Variants in SZRD1 observed in about 807,000 individuals in gnomAD.
The protein encoded by SZRD1 is SUZ RNA-binding domain-containing.
In SZRD1, 7 loss-of-function variants were observed where a neutral mutation model predicts 17.6. The observed-to-expected ratio is 0.40, with a 90% CI of 0.23 to 0.75. SZRD1 has a LOEUF of 0.75. Among genes scored for constraint, SZRD1 ranks in the 30% least tolerant of loss-of-function variants. The probability of loss-of-function intolerance (pLI) is 0.38; values close to 1 mark genes in which losing one functional copy is unlikely to be tolerated. For synonymous variants in SZRD1, 77 were observed against 77.9 expected, an observed-to-expected ratio of 0.99 and a Z score of 0.06; for missense variants, 178 against 201.8, an observed-to-expected ratio of 0.88 and a Z score of 0.71.
At chr1:16,392,727 G>A (rs377764810) in intron 2 of SZRD1, among the ~76,000 whole-genome samples, 4 of 152,124 alleles carry the variant, frequency 2.6e-5, no homozygotes, top group African/African-American at 4.8e-5. Context: ...CAGGGATGGC[G>A]TAGTGGGCTC....
At chr1:16,383,457 C>T (rs2083138892) in intron 1 of SZRD1, among the ~76,000 whole-genome samples, 1 of 151,792 alleles carries the variant, frequency 6.6e-6, no homozygotes, top group South Asian at 2.1e-4. Context: ...TGGTTTCAAG[C>T]AATTCTCCTC....
rs2085305255 is a variant in SZRD1 at position 16,395,985 on chromosome 1, AG to A, written c.*848del. The A allele has an allele frequency of 6.6e-6, 1 of 152,648 alleles. No individual in the cohort carries two copies. The highest frequency in any genetic ancestry group is 6.5e-5 in the Admixed American group (1 of 15,274). The allele number at this position is 152,648 out of a possible 1,614,324, so 9.5% of individuals were successfully genotyped here. A position where few individuals can be genotyped will look rare whatever the true frequency, so the allele number is the denominator to read the frequency against. The stretch of plus-strand genomic sequence containing the variant: ...CCCCACCTCTAGTATTTTGGGAGAT[AG>A]GGAAAGTGAACCGACTTCCCCTTCC... On this transcript the variant is annotated 3_prime_UTR_variant, in exon 4 of 4. Coordinates refer to ENST00000401088, the MANE Select transcript of SZRD1 (RefSeq NM_001114600.3).
intron 1 of SZRD1, among the ~76,000 whole-genome samples, chr1:16,374,651 T>C (rs770739681): frequency 2.0e-5 from 3 of 152,180 alleles, no homozygotes; most frequent in Non-Finnish European, 4.4e-5. Context: ...GCCAGCCCTT[T>C]CCAGTTTCCA....
chr1:16,389,770 A>ATACTTACT (rs2085194424), intron 1 of SZRD1, among the ~76,000 whole-genome samples: 2 of 152,260 alleles, frequency 1.3e-5, no homozygotes, highest in Non-Finnish European at 2.9e-5. Flanking sequence ...CAGAACATAC[A>ATACTTACT]GAGCACTTAC....
Position 16,391,238 on chromosome 1 carries a change from T to C in SZRD1, c.52-137T>C, listed in dbSNP as rs1244615191. 2 of 673,820 alleles carry C rather than the reference T, an allele frequency of 3.0e-6. No homozygotes were observed. Among genetic ancestry groups the C allele is most frequent in the South Asian group, 1.9e-5 (1 of 51,490 alleles). The allele number at this position is 673,820 out of a possible 1,614,324, so 41.7% of individuals were successfully genotyped here. A position where few individuals can be genotyped will look rare whatever the true frequency, so the allele number is the denominator to read the frequency against. ...CAGGTCCCCAAACCCCAAAATCTAGTCCACATTTGTTATGTTGAAGGACAC... is the reference window on the plus strand; with the variant it reads ...CAGGTCCCCAAACCCCAAAATCTAGCCCACATTTGTTATGTTGAAGGACAC... On this transcript the variant is annotated intron_variant, in intron 1 of 3. Transcript: ENST00000401088. The surrounding 1 kb of genome is among the most constrained non-coding windows in gnomAD (Gnocchi z 4.3).
intron 1 of SZRD1, among the ~76,000 whole-genome samples, chr1:16,368,168 TG>T (rs2082855020): frequency 6.6e-6 from 1 of 152,226 alleles, no homozygotes; most frequent in South Asian, 2.1e-4. Flanking sequence ...GTGAATAATT[TG>T]GTCTTTTCAG....
chr1:16,392,222 G>A (rs781306007), intron 2 of SZRD1, among the ~76,000 whole-genome samples: 2 of 152,124 alleles, frequency 1.3e-5, no homozygotes, highest in Non-Finnish European at 2.9e-5. Context: ...TGTCCTACCC[G>A]AGACTTGTTT....
At position 16,395,199 on chromosome 1, in the gene SZRD1, A is replaced by G. The variant is rs2085290402; in HGVS notation, c.*59A>G. On this transcript the variant is annotated 3_prime_UTR_variant, in exon 4 of 4. Coordinates refer to ENST00000401088, the MANE Select transcript of SZRD1 (RefSeq NM_001114600.3). ...GTCACCGCCTCCTGGGTCGTCCGCCACGGGTTGCACTGCCGTGGCAGACAG... is the reference window on the plus strand; with the variant it reads ...GTCACCGCCTCCTGGGTCGTCCGCCGCGGGTTGCACTGCCGTGGCAGACAG... 8.3e-7 allele frequency: 1 copy of G among 1,211,162 alleles called. No homozygotes were observed. Among genetic ancestry groups the G allele is most frequent in the South Asian group, 1.2e-5 (1 of 82,314 alleles). 75.0% of individuals were successfully genotyped at this position (1,211,162 alleles called of 1,614,324 possible).
At position 16,393,583 on chromosome 1, in the gene SZRD1, G is replaced by A. The variant is rs2100751757; in HGVS notation, c.356+101G>A. The A allele has an allele frequency of 7.7e-7, 1 of 1,301,748 alleles. No homozygotes were observed. Among genetic ancestry groups the A allele is most frequent in the Non-Finnish European group, 1.1e-6 (1 of 951,562 alleles). The allele number at this position is 1,301,748 out of a possible 1,614,324, so 80.6% of individuals were successfully genotyped here. A position where few individuals can be genotyped will look rare whatever the true frequency, so the allele number is the denominator to read the frequency against. ...TGTAGAGTAGTGAGAAGCAAGCAGA[G>A]TCAGGGTAGGAACCATGCAGCTCCA... On this transcript the variant is annotated intron_variant, in intron 3 of 3. Coordinates refer to ENST00000401088, the MANE Select transcript of SZRD1 (RefSeq NM_001114600.3). The surrounding 1 kb of genome is among the most constrained non-coding windows in gnomAD (Gnocchi z 5.6).
chr1:16,387,163 C>A, intron 1 of SZRD1: 1 of 391,158 alleles, frequency 2.6e-6, no homozygotes, highest in Non-Finnish European at 5.0e-6. Flanking sequence ...TATTACATGC[C>A]AAGTATGTTA....
At chr1:16,390,785 G>A (rs2085209914) in intron 1 of SZRD1, among the ~76,000 whole-genome samples, 1 of 152,188 alleles carries the variant, frequency 6.6e-6, no homozygotes, top group African/African-American at 2.4e-5. Context: ...TAAAGGAGAG[G>A]TAGACATCCA....
At chr1:16,378,884 G>A (rs576593290) in intron 1 of SZRD1, among the ~76,000 whole-genome samples, 1 of 151,830 alleles carries the variant, frequency 6.6e-6, no homozygotes, top group African/African-American at 2.4e-5. Flanking sequence ...GTGCCACCAC[G>A]CCCGGCTAAT....
At chr1:16,382,753 C>T (rs1018945150) in intron 1 of SZRD1, among the ~76,000 whole-genome samples, 7 of 152,166 alleles carry the variant, frequency 4.6e-5, no homozygotes, top group African/African-American at 1.7e-4. Context: ...CCTCGGCACT[C>T]CCAGAGTTCT....
chr1:16,367,453 A>G (rs1023236251), intron 1 of SZRD1, 145 bp downstream of exon 1: 8 of 701,322 alleles, frequency 1.1e-5, no homozygotes, highest in Non-Finnish European at 1.8e-5. Flanking sequence ...CCAGTTCCTG[A>G]GCGCCGTGAA....
chr1:16,398,104 AT>A lies in SZRD1; in HGVS notation c.*2968del. On this transcript the variant is annotated 3_prime_UTR_variant, in exon 4 of 4. Transcript: ENST00000401088. ...GGGCTCCTGAGTCGGCAGATTAAGC[AT>A]TTTATAAATTGTATTTTAAATACAT... 1 of 679,236 alleles carries A rather than the reference AT, an allele frequency of 1.5e-6. No homozygotes were observed. The highest frequency in any genetic ancestry group is 1.8e-6 in the Non-Finnish European group (1 of 550,448). 42.1% of individuals were successfully genotyped at this position (679,236 alleles called of 1,614,324 possible).
chr1:16,372,854 G>C (rs1420236618), intron 1 of SZRD1, among the ~76,000 whole-genome samples: 5 of 152,164 alleles, frequency 3.3e-5, no homozygotes, highest in African/African-American at 7.2e-5. Context: ...CCTGTTTAGT[G>C]GGGGAGTCAG....
At chr1:16,389,976 C>T (rs1411558071) in intron 1 of SZRD1, among the ~76,000 whole-genome samples, 1 of 152,216 alleles carries the variant, frequency 6.6e-6, no homozygotes, top group Non-Finnish European at 1.5e-5. Flanking sequence ...GTCCTGTACA[C>T]TGTAGGACAT....
At chr1:16,378,047 G>A (rs946705705) in intron 1 of SZRD1, among the ~76,000 whole-genome samples, 64 of 152,120 alleles carry the variant, frequency 4.2e-4, no homozygotes, top group African/African-American at 1.5e-3. Flanking sequence ...AGCCCCATTA[G>A]ATTCGACCCC....
rs2085243768 is a variant in SZRD1 at position 16,393,064 on chromosome 1, C to T, written c.102-164C>T. ...TCGCAAGCTTACTTTTTTGGGACAC[C>T]CTTCTTGAGGAGTGGAAATTTTGCT... On this transcript the variant is annotated intron_variant, in intron 2 of 3. Coordinates refer to ENST00000401088, the MANE Select transcript of SZRD1 (RefSeq NM_001114600.3). This position sits in a 1 kb window ranked among gnomAD's most constrained non-coding sequence, Gnocchi z 5.6. Among the ~76,000 whole-genome samples the T allele has an allele frequency of 6.6e-6, 1 of 151,968 alleles. No individual in the cohort carries two copies. The highest frequency in any genetic ancestry group is 2.4e-5 in the African/African-American group (1 of 41,358).
Sources: gnomAD v4.1 joint callset for allele counts (sites outside exome capture counted in the v4.1 genomes callset) on GRCh38, gnomAD v4.1.1 for gene constraint, Gnocchi (gnomAD v3.1) non-coding constraint, MANE v1.5 for transcripts, NCBI Gene and HGNC (gene_info 2026-07-23, HGNC 2026-07-21) for gene names.